HDAC9: variants seen among roughly 807,000 people sequenced by gnomAD.
The protein encoded by HDAC9 is histone deacetylase 9.
HDAC9 carries 41 observed loss-of-function variants against 139.4 expected under a neutral mutation model. The observed-to-expected ratio is 0.29, with a 90% CI of 0.23 to 0.38. HDAC9 has a LOEUF of 0.38. Ranked by LOEUF, HDAC9 falls within the 10% of genes least tolerant of loss-of-function variation. The pLI is 1.00. For synonymous variants in HDAC9, 517 were observed against 476.2 expected, an observed-to-expected ratio of 1.09 and a Z score of -1.12; for missense variants, 1,147 against 1,297.0, an observed-to-expected ratio of 0.88 and a Z score of 1.78.
chr7:18,216,589 A>G (rs1792331904), intron 2 of HDAC9, among the ~76,000 whole-genome samples: 1 of 152,206 alleles, frequency 6.6e-6, no homozygotes, highest in South Asian at 2.1e-4. Context: ...TTTAGCATGC[A>G]GGGATAGGTT....
chr7:18,094,535 A>G (rs1782377751), intron 1 of HDAC9, among the ~76,000 whole-genome samples: 1 of 149,548 alleles, frequency 6.7e-6, no homozygotes, highest in Non-Finnish European at 1.5e-5. Flanking sequence ...GGCTCAAGTG[A>G]TCCTTCTGTG....
At chr7:18,470,446 G>T (rs111299438) in intron 1 of HDAC9, among the ~76,000 whole-genome samples, 1,979 of 152,066 alleles carry the variant, frequency 0.013, 40 homozygotes, top group African/African-American at 0.044. Flanking sequence ...TTTTCTTTTT[G>T]ATGGTATTAA....
intron 12 of HDAC9, among the ~76,000 whole-genome samples, chr7:18,702,224 T>G (rs750842878): frequency 2.3e-4 from 35 of 152,170 alleles, no homozygotes; most frequent in Non-Finnish European, 4.6e-4. Context: ...TGCATCTGCT[T>G]TTTGGAGACC....
chr7:18,583,764 T>C (rs1828561672), intron 2 of HDAC9, among the ~76,000 whole-genome samples: 1 of 152,072 alleles, frequency 6.6e-6, no homozygotes, highest in Non-Finnish European at 1.5e-5. Context: ...GCCTAAAAAA[T>C]CTTTCAGTTT....
At chr7:18,982,283 A>C (rs1349058235) in intron 25 of HDAC9, among the ~76,000 whole-genome samples, 1 of 152,150 alleles carries the variant, frequency 6.6e-6, no homozygotes, top group Non-Finnish European at 1.5e-5. Flanking sequence ...TCAATCAAAA[A>C]CAAAACAAAA....
intron 16 of HDAC9, among the ~76,000 whole-genome samples, chr7:18,786,056 C>T (rs1791687289): frequency 6.6e-6 from 1 of 151,922 alleles, no homozygotes; most frequent in Non-Finnish European, 1.5e-5. Flanking sequence ...AAAACATGGA[C>T]TGTTAAATTT....
intron 2 of HDAC9, among the ~76,000 whole-genome samples, chr7:18,539,025 G>T (rs964979369): frequency 6.6e-6 from 1 of 152,016 alleles, no homozygotes; most frequent in Non-Finnish European, 1.5e-5. Flanking sequence ...CCACCATGGG[G>T]CCTCTACCCT....
chr7:18,638,922 T>C (rs1436135458), intron 8 of HDAC9, among the ~76,000 whole-genome samples: 3 of 152,078 alleles, frequency 2.0e-5, no homozygotes, highest in African/African-American at 7.2e-5. Flanking sequence ...CTAGTTACTT[T>C]ATTGTTAATA....
At chr7:18,571,469 TG>T (rs1175672691) in intron 2 of HDAC9, among the ~76,000 whole-genome samples, 12 of 152,228 alleles carry the variant, frequency 7.9e-5, no homozygotes, top group African/African-American at 2.7e-4. Flanking sequence ...TTTCCACTTT[TG>T]CTGGTTTTAT....
intron 2 of HDAC9, among the ~76,000 whole-genome samples, chr7:18,252,500 A>G (rs1173352589): frequency 6.6e-6 from 1 of 152,168 alleles, no homozygotes; most frequent in East Asian, 1.9e-4. Context: ...GGTGCATGAA[A>G]CATAGGAATG....
chr7:18,188,842 A>G (rs1430784412), intron 2 of HDAC9, among the ~76,000 whole-genome samples: 2 of 34,308 alleles, frequency 5.8e-5, no homozygotes, highest in Admixed American at 1.8e-4. Flanking sequence ...TCAGGAAACA[A>G]TAAGATGCTG....
At chr7:18,762,111 A>G in intron 14 of HDAC9, 46 bp from the exon 15 acceptor site, 4 of 1,609,950 alleles carry the variant, frequency 2.5e-6, no homozygotes, top group Non-Finnish European at 2.5e-6. Flanking sequence ...ATTTTCTTCT[A>G]AATGTTGTCA....
chr7:18,457,001 T>C (rs1793410016), intron 1 of HDAC9, among the ~76,000 whole-genome samples: 1 of 152,112 alleles, frequency 6.6e-6, no homozygotes, highest in Non-Finnish European at 1.5e-5. Flanking sequence ...CTACAAATTG[T>C]GTTGTCCTCA....
At chr7:18,094,439 CTTT>C (rs762146571) in intron 1 of HDAC9, among the ~76,000 whole-genome samples, 37 of 135,956 alleles carry the variant, frequency 2.7e-4, no homozygotes, top group Admixed American at 3.0e-4. Context: ...GTTACCTTTA[CTTT>C]TTTTTTTTTT....
chr7:18,520,555 C>T (rs765817259), intron 2 of HDAC9, among the ~76,000 whole-genome samples: 2 of 152,108 alleles, frequency 1.3e-5, no homozygotes, highest in Non-Finnish European at 2.9e-5. Context: ...ATGTTTCTGG[C>T]ACCTGGGTTT....
chr7:18,992,546 A>G (rs1160997550), intron 25 of HDAC9, among the ~76,000 whole-genome samples: 1 of 152,218 alleles, frequency 6.6e-6, no homozygotes, highest in Non-Finnish European at 1.5e-5. Context: ...GTAAGAAATA[A>G]GAATTAAATT....
At chr7:18,759,273 G>A (rs781047755) in intron 14 of HDAC9, among the ~76,000 whole-genome samples, 8 of 152,134 alleles carry the variant, frequency 5.3e-5, no homozygotes, top group Non-Finnish European at 1.0e-4. Flanking sequence ...TAAGGAACCA[G>A]GCTGCACAGC....
In HDAC9 at chr7:18,168,897, TTGTG is replaced by T. The variant is rs1201294435; in HGVS notation, c.25+6575_25+6578del. ...ATGTCTTGTTTTTTTTTTTTTTTTT[TTGTG>T]TGTGTGTGTGTGTGTGTGTGTGTGT... On this transcript the variant is annotated intron_variant, in intron 2 of 12. Coordinates refer to the HDAC9 transcript ENST00000417496. Among the ~76,000 whole-genome samples, 476 of 94,210 alleles carry T rather than the reference TTGTG, an allele frequency of 5.1e-3. 6 individuals are homozygous for T. The highest frequency in any genetic ancestry group is 8.1e-3 in the Middle Eastern group (1 of 124). 61.8% of individuals were successfully genotyped at this position (94,210 alleles called of 152,430 possible). A position where few individuals can be genotyped will look rare whatever the true frequency, so the allele number is the denominator to read the frequency against.
chr7:18,367,205 T>C (rs903871307), intron 1 of HDAC9, among the ~76,000 whole-genome samples: 2 of 152,046 alleles, frequency 1.3e-5, no homozygotes, highest in African/African-American at 4.8e-5. Flanking sequence ...CATTGTTAAT[T>C]CCAGTGCATT....
Sources: gnomAD v4.1 joint callset for allele counts (sites outside exome capture counted in the v4.1 genomes callset) on GRCh38, gnomAD v4.1.1 for gene constraint, MANE v1.5 for transcripts, NCBI Gene and HGNC (gene_info 2026-07-23, HGNC 2026-07-21) for gene names.